RFC3: variants seen among roughly 807,000 people sequenced by gnomAD.
RFC3 encodes replication factor C subunit 3, also known as A1 38 kDa subunit.
In RFC3, 41 loss-of-function variants were observed where a neutral mutation model predicts 45.1. That is an observed-to-expected ratio of 0.91 (90% CI 0.71 to 1.18). RFC3 has a LOEUF of 1.18. Among genes scored for constraint, RFC3 ranks in the 50% most tolerant of loss-of-function variants. The pLI, the probability that RFC3 is intolerant of heterozygous loss-of-function variation, is 0.00. For synonymous variants in RFC3, 149 were observed against 144.0 expected, an observed-to-expected ratio of 1.03 and a Z score of -0.25; for missense variants, 423 against 428.1, an observed-to-expected ratio of 0.99 and a Z score of 0.10.
chr13:33,976,849 C>T, the RFC3 span, among the ~76,000 whole-genome samples: 1 of 152,068 alleles, frequency 6.6e-6, no homozygotes, highest in African/African-American at 2.4e-5. Context: ...ATGGTGGCCT[C>T]CTTCCAAAGA....
At chr13:33,971,270 C>A (rs963296095), downstream of RFC3, among the ~76,000 whole-genome samples, 6 of 152,116 alleles carry the variant, frequency 3.9e-5, no homozygotes, top group South Asian at 2.1e-4. Flanking sequence ...AAAATTTTGA[C>A]CTTTGAGTTT....
chr13:33,973,723 T>G, the RFC3 span, among the ~76,000 whole-genome samples: 27 of 150,912 alleles, frequency 1.8e-4, no homozygotes, highest in Admixed American at 6.0e-4. Flanking sequence ...CAATCTCGGC[T>G]CATTGCAACC....
intron 8 of RFC3, among the ~76,000 whole-genome samples, chr13:33,889,438 A>C (rs752715090): frequency 6.6e-6 from 1 of 152,234 alleles, no homozygotes; most frequent in East Asian, 1.9e-4. Context: ...TAGTTGACAC[A>C]TAATAATTGT....
At chr13:33,944,212 A>T (rs1365355118) in intron 8 of RFC3, among the ~76,000 whole-genome samples, 1 of 152,178 alleles carries the variant, frequency 6.6e-6, no homozygotes, top group Non-Finnish European at 1.5e-5. Flanking sequence ...CTACCCTTCT[A>T]CTTTCTGTGA....
intron 8 of RFC3, among the ~76,000 whole-genome samples, chr13:33,853,138 T>C (rs1363575704): frequency 6.6e-6 from 1 of 152,176 alleles, no homozygotes; most frequent in Non-Finnish European, 1.5e-5. Context: ...AGAGAAGACC[T>C]CTTTCAGGAT....
At chr13:33,956,483 C>T (rs1205401475) in intron 8 of RFC3, among the ~76,000 whole-genome samples, 2 of 152,202 alleles carry the variant, frequency 1.3e-5, no homozygotes, top group African/African-American at 2.4e-5. Flanking sequence ...TTTCCCTAAA[C>T]TCTGCTAAAC....
chr13:33,842,927 G>A (rs1300154197), intron 8 of RFC3, among the ~76,000 whole-genome samples: 1 of 152,090 alleles, frequency 6.6e-6, no homozygotes, highest in African/African-American at 2.4e-5. Flanking sequence ...ATTTGTTCAT[G>A]GGATTTGTAG....
At chr13:33,945,932 G>C (rs906852598) in intron 8 of RFC3, among the ~76,000 whole-genome samples, 5 of 152,154 alleles carry the variant, frequency 3.3e-5, no homozygotes, top group African/African-American at 2.4e-5. Context: ...TCCAGATGGA[G>C]AATCTTATGG....
At chr13:33,911,146 T>G (rs904185811) in intron 8 of RFC3, among the ~76,000 whole-genome samples, 7 of 152,074 alleles carry the variant, frequency 4.6e-5, no homozygotes, top group African/African-American at 9.7e-5. Context: ...TAGGGGTCAG[T>G]GTCAGGACAG....
chr13:33,953,930 C>T (rs1407329667), intron 8 of RFC3, among the ~76,000 whole-genome samples: 1 of 152,134 alleles, frequency 6.6e-6, no homozygotes, highest in African/African-American at 2.4e-5. Context: ...GAGAATTTTA[C>T]TTGTTCCCTT....
rs140624969 is a variant in RFC3 at position 33,918,951 on chromosome 13, G to C, written c.880-47136G>C. On this transcript the variant is annotated intron_variant, in intron 8 of 8. Transcript: ENST00000434425. Reference sequence around the variant, plus strand: ...TGCCTTTAGTTAACCTCTGTAATTCGAAGTGATCACCCTGCCAAAAATGAA... The same window carrying C: ...TGCCTTTAGTTAACCTCTGTAATTCCAAGTGATCACCCTGCCAAAAATGAA... Among the ~76,000 whole-genome samples the C allele has an allele frequency of 9.9e-5, 15 of 152,174 alleles. No individual in the cohort carries two copies. The East Asian group carries it at 2.9e-3, about 29-fold the overall frequency.
At chr13:33,889,409 A>G (rs1445958299) in intron 8 of RFC3, among the ~76,000 whole-genome samples, 10 of 152,198 alleles carry the variant, frequency 6.6e-5, no homozygotes, top group African/African-American at 2.4e-4. Context: ...TTAAAAATTT[A>G]TTTTTAACAT....
intron 8 of RFC3, among the ~76,000 whole-genome samples, chr13:33,844,302 T>C (rs1430452112): frequency 6.6e-6 from 1 of 152,234 alleles, no homozygotes; most frequent in Non-Finnish European, 1.5e-5. Context: ...GTGATGACTG[T>C]GGCCTGCCTT....
intron 8 of RFC3, among the ~76,000 whole-genome samples, chr13:33,929,499 A>T (rs1035425793): frequency 1.3e-5 from 2 of 152,156 alleles, no homozygotes; most frequent in African/African-American, 4.8e-5. Context: ...ATTAAGAAAG[A>T]TCATACAACT....
rs1008578878 is a variant in RFC3, at chr13:33,876,787, G to T, written c.879+41570G>T. Reference sequence around the variant, plus strand: ...ATAAGCTTTGCAGCATTGGGAAGTCGATTTTCTTCTATGAACCTCTATCTT... The same window carrying T: ...ATAAGCTTTGCAGCATTGGGAAGTCTATTTTCTTCTATGAACCTCTATCTT... On this transcript the variant is annotated intron_variant, in intron 8 of 8. Transcript: ENST00000434425. Among the ~76,000 whole-genome samples, 21 of 152,298 alleles carry T rather than the reference G, an allele frequency of 1.4e-4. No individual in the cohort carries two copies. In the South Asian group the frequency reaches 2.3e-3, roughly 17 times the overall value.
downstream of RFC3, among the ~76,000 whole-genome samples, chr13:33,967,265 A>G (rs1217936173): frequency 6.6e-6 from 1 of 152,156 alleles, no homozygotes; most frequent in Non-Finnish European, 1.5e-5. Flanking sequence ...AGCCAATGAA[A>G]TTTTATCCTT....
chr13:33,932,983 C>A (rs2082862092), intron 8 of RFC3, among the ~76,000 whole-genome samples: 1 of 152,098 alleles, frequency 6.6e-6, no homozygotes, highest in Non-Finnish European at 1.5e-5. Context: ...ATCTGACAGG[C>A]CACTCTTGTC....
At position 33,957,495 on chromosome 13, in the gene RFC3, C is replaced by T. The variant is rs74046993; in HGVS notation, c.880-8592C>T. ...GGTTGGTGTGCATTTTGCCCTGTTCCGTACCACTTATGACTACTGAATATT... is the reference window on the plus strand; with the variant it reads ...GGTTGGTGTGCATTTTGCCCTGTTCTGTACCACTTATGACTACTGAATATT... On this transcript the variant is annotated intron_variant, in intron 8 of 8. Transcript: ENST00000434425. Among the ~76,000 whole-genome samples the T allele has an allele frequency of 1.5e-3, 225 of 152,252 alleles. 1 individual carries two copies. Among genetic ancestry groups the T allele is most frequent in the African/African-American group, 5.2e-3 (214 of 41,544 alleles).
intron 8 of RFC3, among the ~76,000 whole-genome samples, chr13:33,929,293 C>CA (rs1566032407): frequency 6.6e-6 from 1 of 152,080 alleles, no homozygotes; most frequent in African/African-American, 2.4e-5. Flanking sequence ...TTTCCAACCA[C>CA]AGCCAGTACA....
Sources: gnomAD v4.1 joint callset for allele counts (sites outside exome capture counted in the v4.1 genomes callset) on GRCh38, gnomAD v4.1.1 for gene constraint, MANE v1.5 for transcripts, NCBI Gene and HGNC (gene_info 2026-07-23, HGNC 2026-07-21) for gene names.